PRKACB: variants seen among roughly 807,000 people sequenced by gnomAD.
The protein encoded by PRKACB is cAMP-dependent protein kinase catalytic subunit beta.
In PRKACB, 16 loss-of-function variants were observed where a neutral mutation model predicts 51.4. The observed-to-expected ratio is 0.31, with a 90% CI of 0.21 to 0.47. The LOEUF (loss-of-function observed/expected upper bound fraction) is 0.47. Ranked by LOEUF, PRKACB falls within the 20% of genes least tolerant of loss-of-function variation. The probability of loss-of-function intolerance (pLI) is 1.00; values close to 1 mark genes in which losing one functional copy is unlikely to be tolerated. For missense variants in PRKACB, 309 were observed against 464.5 expected, an observed-to-expected ratio of 0.67 and a Z score of 3.08; for synonymous variants, 147 against 154.4, an observed-to-expected ratio of 0.95 and a Z score of 0.35.
At chr1:84,113,733 G>C (rs1395082611) in intron 1 of PRKACB, among the ~76,000 whole-genome samples, 1 of 152,090 alleles carries the variant, frequency 6.6e-6, no homozygotes, top group East Asian at 1.9e-4. Context: ...TAATGAAAGA[G>C]GTGAGACACA....
At chr1:84,108,254 A>G (rs185657697) in intron 1 of PRKACB, among the ~76,000 whole-genome samples, 1 of 152,268 alleles carries the variant, frequency 6.6e-6, no homozygotes, top group East Asian at 1.9e-4. Flanking sequence ...GTTCTCACTT[A>G]TAAGTGGGAG....
At chr1:84,131,819 T>TTAGA (rs1438726505) in intron 1 of PRKACB, among the ~76,000 whole-genome samples, 1 of 152,226 alleles carries the variant, frequency 6.6e-6, no homozygotes, top group Admixed American at 6.5e-5. Flanking sequence ...GTGACACCTC[T>TTAGA]GGGAGCAGCA....
chr1:84,095,937 G>A (rs1571559900), intron 1 of PRKACB, among the ~76,000 whole-genome samples: 1 of 151,858 alleles, frequency 6.6e-6, no homozygotes, highest in African/African-American at 2.4e-5. Flanking sequence ...TATTACCAGT[G>A]TGTTTTTCTA....
intron 1 of PRKACB, among the ~76,000 whole-genome samples, chr1:84,177,595 A>C (rs1257487871): frequency 6.6e-6 from 1 of 152,026 alleles, no homozygotes; most frequent in Non-Finnish European, 1.5e-5. Context: ...TAAGAAAATT[A>C]GCCAGACTTG....
At chr1:84,227,315 C>A (rs1271971124) in intron 9 of PRKACB, among the ~76,000 whole-genome samples, 1 of 151,892 alleles carries the variant, frequency 6.6e-6, no homozygotes, top group Non-Finnish European at 1.5e-5. Flanking sequence ...ATTTATATTT[C>A]CAATAAAATC....
At chr1:84,078,487 C>A in intron 1 of PRKACB, 1 of 1,235,660 alleles carries the variant, frequency 8.1e-7, no homozygotes, top group Non-Finnish European at 1.1e-6. Context: ...CAGCGGCCGC[C>A]GGGAGTCGTT....
chr1:84,163,518 C>T (rs1452049906), intron 1 of PRKACB, among the ~76,000 whole-genome samples: 1 of 151,924 alleles, frequency 6.6e-6, no homozygotes, highest in East Asian at 1.9e-4. Flanking sequence ...TCAGCCCCTT[C>T]CAGAAGTGAA....
chr1:84,104,804 G>GAGCC (rs1649605153), intron 1 of PRKACB, among the ~76,000 whole-genome samples: 1 of 151,998 alleles, frequency 6.6e-6, no homozygotes, highest in Non-Finnish European at 1.5e-5. Flanking sequence ...CCTTTCCAGA[G>GAGCC]AGCCCTCTGG....
Position 84,144,324 on chromosome 1 carries a change from A to G in PRKACB, c.-38A>G, listed in dbSNP as rs374988248. 5.3e-5 allele frequency: 84 copies of G among 1,598,114 alleles called. No homozygotes were observed. Among genetic ancestry groups the G allele is most frequent in the Non-Finnish European group, 6.8e-5 (80 of 1,175,290 alleles). On this transcript the variant is annotated 5_prime_UTR_variant, in exon 1 of 10. Transcript: ENST00000370685. ...GAAGTTGTGAGCTCCTTCTGGAAAC[A>G]TTTGCAGTTACATTAAGTAAAGTGT...
intron 1 of PRKACB, among the ~76,000 whole-genome samples, chr1:84,079,786 C>A (rs531659545): frequency 1.1e-4 from 17 of 152,240 alleles, no homozygotes; most frequent in Middle Eastern, 6.8e-3. Context: ...CTGCCTCAGC[C>A]TCCTGAGTAG....
At chr1:84,182,645 G>T (rs970080633) in intron 3 of PRKACB, among the ~76,000 whole-genome samples, 3 of 151,946 alleles carry the variant, frequency 2.0e-5, no homozygotes, top group African/African-American at 7.3e-5. Context: ...ACAATACAGT[G>T]TAACAACTAT....
In PRKACB at chr1:84,188,586, G is replaced by A. The variant is rs116339435; in HGVS notation, c.560+3404G>A. The stretch of plus-strand genomic sequence containing the variant: ...GACAATAACCAGAATTATGAATAAC[G>A]TTAATTTCTCTGAATTTATATAATT... On this transcript the variant is annotated intron_variant, in intron 5 of 9. Coordinates refer to ENST00000370685, the MANE Select transcript of PRKACB (RefSeq NM_182948.4). Among the ~76,000 whole-genome samples the A allele has an allele frequency of 6.2e-3, 937 of 150,972 alleles. 9 individuals carry two copies. The highest frequency in any genetic ancestry group is 0.022 in the African/African-American group (895 of 40,948).
At chr1:84,231,927 C>G (rs1376127316) in intron 9 of PRKACB, among the ~76,000 whole-genome samples, 29 of 150,074 alleles carry the variant, frequency 1.9e-4, no homozygotes, top group African/African-American at 4.1e-4. Context: ...TCCTTCAGTT[C>G]TGCTCTGATT....
At chr1:84,108,088 A>G (rs536284515) in intron 1 of PRKACB, among the ~76,000 whole-genome samples, 8 of 152,298 alleles carry the variant, frequency 5.3e-5, no homozygotes. Flanking sequence ...AATGTCCATC[A>G]ATGGTAGACT....
chr1:84,081,322 G>T (rs76930954), intron 1 of PRKACB, among the ~76,000 whole-genome samples: 1 of 152,112 alleles, frequency 6.6e-6, no homozygotes. Flanking sequence ...AGACCTAAAA[G>T]CTAGGTGAGA....
chr1:84,108,057 C>T (rs1649925923), intron 1 of PRKACB, among the ~76,000 whole-genome samples: 1 of 152,124 alleles, frequency 6.6e-6, no homozygotes, highest in African/African-American at 2.4e-5. Context: ...TTCACAATAG[C>T]ACAGACATGG....
chr1:84,094,214 T>A (rs1648748740), intron 1 of PRKACB, among the ~76,000 whole-genome samples: 1 of 151,966 alleles, frequency 6.6e-6, no homozygotes, highest in African/African-American at 2.4e-5. Context: ...AGGCAGAAAA[T>A]TTTTAAGATA....
intron 1 of PRKACB, chr1:84,085,887 C>G (rs1647935826): frequency 1.6e-6 from 1 of 626,472 alleles, no homozygotes. Flanking sequence ...CCAACTCAGC[C>G]CAGACCATAT....
At chr1:84,161,665 CT>C (rs1301735370) in intron 1 of PRKACB, among the ~76,000 whole-genome samples, 1 of 151,658 alleles carries the variant, frequency 6.6e-6, no homozygotes, top group East Asian at 1.9e-4. Flanking sequence ...TATAATTTAT[CT>C]TATCATAGTT....
Sources: allele counts gnomAD v4.1 joint callset (sites outside exome capture counted in the v4.1 genomes callset), GRCh38; gene constraint gnomAD v4.1.1; transcripts MANE v1.5; gene names NCBI Gene and HGNC (gene_info 2026-07-23, HGNC 2026-07-21).